The following PAK2 variants were observed in gnomAD, a reference collection of about 807,000 sequenced individuals.
PAK2 encodes serine/threonine-protein kinase PAK 2.
In PAK2, 21 loss-of-function variants were observed where a neutral mutation model predicts 65.9. That is an observed-to-expected ratio of 0.32 (90% CI 0.23 to 0.46). The LOEUF is 0.46. Among genes scored for constraint, PAK2 ranks in the 20% least tolerant of loss-of-function variants. The pLI is 1.00. For synonymous variants in PAK2, 204 were observed against 219.7 expected, an observed-to-expected ratio of 0.93 and a Z score of 0.63; for missense variants, 324 against 642.6, an observed-to-expected ratio of 0.50 and a Z score of 5.36.
intron 1 of PAK2, among the ~76,000 whole-genome samples, chr3:196,781,220 T>C (rs1402128224): frequency 3.3e-5 from 5 of 152,248 alleles, no homozygotes; most frequent in Non-Finnish European, 7.3e-5. Flanking sequence ...TTAAATGCAT[T>C]AAATAATCTT....
chr3:196,815,625 A>G (rs550918049), intron 11 of PAK2, among the ~76,000 whole-genome samples: 1 of 152,076 alleles, frequency 6.6e-6, no homozygotes, highest in South Asian at 2.1e-4. Context: ...CGTCTCTACT[A>G]AAAATACAAA....
intron 2 of PAK2, among the ~76,000 whole-genome samples, chr3:196,788,345 C>T (rs1484813647): frequency 6.6e-6 from 1 of 152,150 alleles, no homozygotes; most frequent in African/African-American, 2.4e-5. Flanking sequence ...AAAAAATTTA[C>T]ATCCCTTACT....
chr3:196,823,568 CAAAA>C lies in PAK2; in HGVS notation c.1350+3006_1350+3009del, dbSNP rs774418777. Reference sequence around the variant, plus strand: ...GCAAACAAACAAACAAACAAACAAACAAAAAAAACACCTTGGGCCGGGCACGGTG... The same window carrying C: ...GCAAACAAACAAACAAACAAACAAACAAAACACCTTGGGCCGGGCACGGTG... On this transcript the variant is annotated intron_variant, in intron 13 of 14. Coordinates refer to ENST00000327134, the MANE Select transcript of PAK2 (RefSeq NM_002577.4). Among the ~76,000 whole-genome samples the C allele has an allele frequency of 2.1e-4, 31 of 150,228 alleles. No individual in the cohort carries two copies. The South Asian group carries it at 5.7e-3, about 28-fold the overall frequency.
chr3:196,781,186 G>T (rs1714703646), intron 1 of PAK2, among the ~76,000 whole-genome samples: 1 of 152,132 alleles, frequency 6.6e-6, no homozygotes, highest in Non-Finnish European at 1.5e-5. Flanking sequence ...TCTTTTCATT[G>T]TATATATGCA....
intron 1 of PAK2, among the ~76,000 whole-genome samples, chr3:196,769,707 C>T (rs1378353372): frequency 1.3e-5 from 2 of 151,688 alleles, no homozygotes; most frequent in East Asian, 1.9e-4. Context: ...GTTCCAGCTA[C>T]TGGGGAAGCT....
chr3:196,747,390 G>T (rs912497708), intron 1 of PAK2: 1 of 152,094 alleles, frequency 6.6e-6, no homozygotes, highest in African/African-American at 2.4e-5. Context: ...TGAATGCAGC[G>T]TTGGCTGCAC....
intron 1 of PAK2, among the ~76,000 whole-genome samples, chr3:196,774,474 A>G (rs1013431958): frequency 6.6e-6 from 1 of 152,216 alleles, no homozygotes; most frequent in Non-Finnish European, 1.5e-5. Flanking sequence ...GACTGACCTC[A>G]GGAAGGAAAT....
chr3:196,770,479 C>T (rs538954302), intron 1 of PAK2, among the ~76,000 whole-genome samples: 30 of 151,928 alleles, frequency 2.0e-4, no homozygotes, highest in Non-Finnish European at 3.8e-4. Context: ...GCCCTCTGAT[C>T]ATGCCTGTGA....
In PAK2 at chr3:196,791,436, T is replaced by A. The variant is rs1577724203; in HGVS notation, c.187+8603T>A. On this transcript the variant is annotated intron_variant, in intron 2 of 14. Transcript: ENST00000327134. The surrounding 1 kb of genome is among the most constrained non-coding windows in gnomAD (Gnocchi z 4.0). ...TTTCCTTTAACTTTTTACTCTATAC[T>A]CCTATCATATATGAAACTTTAATAT... 6.6e-6 allele frequency among the ~76,000 whole-genome samples: 1 copy of A among 152,170 alleles called. No individual in the cohort carries two copies. Among genetic ancestry groups the A allele is most frequent in the Non-Finnish European group, 1.5e-5 (1 of 68,036 alleles).
chr3:196,752,298 T>G (rs1713631106), intron 1 of PAK2, among the ~76,000 whole-genome samples: 1 of 152,204 alleles, frequency 6.6e-6, no homozygotes, highest in Admixed American at 6.5e-5. Flanking sequence ...GTATTTGGTT[T>G]GCTTTTATCT....
At chr3:196,750,328 G>T (rs542382114) in intron 1 of PAK2, among the ~76,000 whole-genome samples, 2 of 151,570 alleles carry the variant, frequency 1.3e-5, no homozygotes, top group African/African-American at 4.8e-5. Flanking sequence ...TGTAGAGACG[G>T]TTCACTCTGT....
intron 1 of PAK2, chr3:196,747,152 T>C (rs1434807288): frequency 7.2e-6 from 1 of 138,090 alleles, no homozygotes; most frequent in Non-Finnish European, 1.6e-5. Flanking sequence ...TCTACTTTTC[T>C]CTTTATTTTG....
intron 1 of PAK2, among the ~76,000 whole-genome samples, chr3:196,750,767 A>C (rs1273776298): frequency 6.6e-6 from 1 of 152,064 alleles, no homozygotes; most frequent in East Asian, 1.9e-4. Context: ...AAAAAAAAAA[A>C]AAACCAAAAC....
chr3:196,802,952 C>A, intron 3 of PAK2, 65 bp from the exon 4 acceptor site: 1 of 1,076,570 alleles, frequency 9.3e-7, no homozygotes, highest in Non-Finnish European at 1.3e-6. Context: ...TGTCATTTAT[C>A]TCTGGAAATT....
At chr3:196,740,433 C>T (rs899418045) in intron 1 of PAK2, among the ~76,000 whole-genome samples, 5 of 152,148 alleles carry the variant, frequency 3.3e-5, no homozygotes, top group African/African-American at 1.2e-4. Flanking sequence ...CTGCTCTGAA[C>T]CTCGCGGCAC....
In PAK2 at chr3:196,791,922, CAAA is replaced by C. The variant is rs11401261; in HGVS notation, c.187+9102_187+9104del. On this transcript the variant is annotated intron_variant, in intron 2 of 14. Transcript: ENST00000327134. This position sits in a 1 kb window ranked among gnomAD's most constrained non-coding sequence, Gnocchi z 4.0. The stretch of plus-strand genomic sequence containing the variant: ...CCTGGGCGACAGAGCGAGACTCCGT[CAAA>C]AAAAAAAAAAAAGAAATAGAATTCC... Among the ~76,000 whole-genome samples the C allele has an allele frequency of 4.3e-5, 6 of 138,454 alleles. No homozygotes were observed. Among genetic ancestry groups the C allele is most frequent in the Admixed American group, 7.3e-5 (1 of 13,726 alleles). The allele number at this position is 138,454 out of a possible 152,430, so 90.8% of individuals were successfully genotyped here. A position where few individuals can be genotyped will look rare whatever the true frequency, so the allele number is the denominator to read the frequency against.
chr3:196,752,580 ATTTTG>A (rs1333288941), intron 1 of PAK2, among the ~76,000 whole-genome samples: 1 of 151,372 alleles, frequency 6.6e-6, no homozygotes, highest in African/African-American at 2.4e-5. Flanking sequence ...TCTTTTGGTA[ATTTTG>A]TTTTATTTAT....
chr3:196,795,436 C>T (rs537498173), intron 2 of PAK2, among the ~76,000 whole-genome samples: 8 of 152,140 alleles, frequency 5.3e-5, no homozygotes, highest in African/African-American at 1.7e-4. Flanking sequence ...CACTGCACTC[C>T]GGCCTGGGTG....
chr3:196,806,478 C>G, intron 5 of PAK2, 101 bp from the exon 6 acceptor site: 1 of 697,098 alleles, frequency 1.4e-6, no homozygotes, highest in Non-Finnish European at 2.6e-6. Context: ...TTGAAATGAG[C>G]TATCAAAGAA....
Sources: allele counts gnomAD v4.1 joint callset (sites outside exome capture counted in the v4.1 genomes callset), GRCh38; gene constraint gnomAD v4.1.1; non-coding constraint Gnocchi (gnomAD v3.1); transcripts MANE v1.5; gene names NCBI Gene and HGNC (gene_info 2026-07-23, HGNC 2026-07-21).